Variants in SDHAF3 observed in about 807,000 individuals in gnomAD.
The protein encoded by SDHAF3 is succinate dehydrogenase assembly factor 3, mitochondrial.
A neutral mutation model predicts 11.5 loss-of-function variants in SDHAF3; 18 were observed. That is an observed-to-expected ratio of 1.56 (90% confidence interval 1.08 to 2.32). SDHAF3 has a LOEUF of 2.32. SDHAF3 is among the 30% of genes most tolerant of loss of function. The probability of loss-of-function intolerance (pLI) is 0.00; values close to 1 mark genes in which losing one functional copy is unlikely to be tolerated. For missense variants in SDHAF3, 200 were observed against 154.4 expected, an observed-to-expected ratio of 1.30 and a Z score of -1.57; for synonymous variants, 72 against 59.3, an observed-to-expected ratio of 1.21 and a Z score of -0.99.
In SDHAF3 at chr7:97,117,715, T is replaced by G. The variant is rs771893853; in HGVS notation, c.-9T>G. 3 of 1,609,352 alleles carry G rather than the reference T, an allele frequency of 1.9e-6. No individual in the cohort carries two copies. The highest frequency in any genetic ancestry group is 1.7e-6 in the Non-Finnish European group (2 of 1,177,580). ...GCGCAGGCGCAGTCGGCGGTCGGCG[T>G]GGGGCGCTATGCCGGGGCGGCACGT... On this transcript the variant is annotated 5_prime_UTR_variant, in exon 1 of 2. Coordinates refer to ENST00000432641, the MANE Select transcript of SDHAF3 (RefSeq NM_020186.3).
intron 1 of SDHAF3, among the ~76,000 whole-genome samples, chr7:97,129,139 A>C (rs1562820284): frequency 6.6e-6 from 1 of 152,126 alleles, no homozygotes; most frequent in Non-Finnish European, 1.5e-5. Flanking sequence ...AAATGTCTTG[A>C]GAATTTTGGT....
chr7:97,127,431 G>A (rs1352716113), intron 1 of SDHAF3, among the ~76,000 whole-genome samples: 1 of 152,152 alleles, frequency 6.6e-6, no homozygotes, highest in Non-Finnish European at 1.5e-5. Flanking sequence ...TTGTTCGAGA[G>A]GAGGAAATGC....
intron 1 of SDHAF3, among the ~76,000 whole-genome samples, chr7:97,137,951 C>A (rs1212228133): frequency 1.4e-5 from 2 of 145,742 alleles, no homozygotes; most frequent in African/African-American, 5.1e-5. Context: ...TGGCTCACCA[C>A]AACCTCCATC....
chr7:97,142,929 C>T (rs925325897), intron 1 of SDHAF3: 2 of 130,044 alleles, frequency 1.5e-5, no homozygotes, highest in Admixed American at 1.7e-4. Flanking sequence ...CAGAGTCTCA[C>T]TCTGTTGCCC....
chr7:97,172,921 G>T (rs1789625136), intron 1 of SDHAF3, among the ~76,000 whole-genome samples: 1 of 152,234 alleles, frequency 6.6e-6, no homozygotes, highest in Non-Finnish European at 1.5e-5. Context: ...TTGGGGATTG[G>T]TTTTGTGGAA....
intron 1 of SDHAF3, among the ~76,000 whole-genome samples, chr7:97,128,015 C>T (rs1791603228): frequency 6.6e-6 from 1 of 151,374 alleles, no homozygotes; most frequent in Admixed American, 6.6e-5. Context: ...GTTCTCCTGC[C>T]TCAGCCTCCC....
intron 1 of SDHAF3, among the ~76,000 whole-genome samples, chr7:97,144,743 G>T (rs1439569161): frequency 6.6e-6 from 1 of 152,134 alleles, no homozygotes; most frequent in Non-Finnish European, 1.5e-5. Context: ...ATAGTGTGAT[G>T]CCTGCAGATT....
At chr7:97,161,241 TG>T (rs1355355639) in intron 1 of SDHAF3, among the ~76,000 whole-genome samples, 2 of 152,144 alleles carry the variant, frequency 1.3e-5, no homozygotes, top group African/African-American at 4.8e-5. Context: ...GCTATGATCT[TG>T]GGTAGGTTAA....
At chr7:97,180,317 C>T (rs1170381510) in intron 1 of SDHAF3, among the ~76,000 whole-genome samples, 2 of 152,150 alleles carry the variant, frequency 1.3e-5, no homozygotes, top group Non-Finnish European at 2.9e-5. Flanking sequence ...AGGATGAAAG[C>T]ATGTCCTTTG....
intron 1 of SDHAF3, among the ~76,000 whole-genome samples, chr7:97,167,932 G>A (rs1789538127): frequency 6.6e-6 from 1 of 152,206 alleles, no homozygotes; most frequent in African/African-American, 2.4e-5. Context: ...TTTTTGTGCA[G>A]ATAAGGGAAT....
intron 1 of SDHAF3, among the ~76,000 whole-genome samples, chr7:97,155,894 T>C (rs967870165): frequency 2.7e-5 from 4 of 150,660 alleles, no homozygotes; most frequent in African/African-American, 9.8e-5. Context: ...ATTAATAAAG[T>C]AGATATCAAT....
At chr7:97,141,881 T>C (rs908567982) in intron 1 of SDHAF3, among the ~76,000 whole-genome samples, 1 of 152,094 alleles carries the variant, frequency 6.6e-6, no homozygotes, top group Non-Finnish European at 1.5e-5. Flanking sequence ...GTTCTACTTA[T>C]CTTTGTAAAA....
At chr7:97,173,759 A>C (rs1241415404) in intron 1 of SDHAF3, among the ~76,000 whole-genome samples, 1 of 151,832 alleles carries the variant, frequency 6.6e-6, no homozygotes, top group Non-Finnish European at 1.5e-5. Flanking sequence ...TCACTGTGTT[A>C]GCCAGGATGA....
At chr7:97,129,907 T>C (rs984725724) in intron 1 of SDHAF3, among the ~76,000 whole-genome samples, 1 of 152,014 alleles carries the variant, frequency 6.6e-6, no homozygotes, top group Non-Finnish European at 1.5e-5. Flanking sequence ...TGCTGGCTGC[T>C]GTGGTGGGTC....
At chr7:97,131,314 A>G (rs1460504070) in intron 1 of SDHAF3, among the ~76,000 whole-genome samples, 2 of 152,208 alleles carry the variant, frequency 1.3e-5, no homozygotes, top group African/African-American at 4.8e-5. Flanking sequence ...CTACACTTCT[A>G]GCACAATATC....
intron 1 of SDHAF3, among the ~76,000 whole-genome samples, chr7:97,138,250 C>T (rs567695654): frequency 1.3e-5 from 2 of 152,036 alleles, no homozygotes; most frequent in Admixed American, 6.6e-5. Context: ...ACGTCCGCCT[C>T]CCACGTATAA....
chr7:97,180,932 T>G (rs1473542701), intron 1 of SDHAF3, 80 bp from the exon 2 acceptor site: 2 of 1,255,060 alleles, frequency 1.6e-6, no homozygotes, highest in African/African-American at 3.0e-5. Flanking sequence ...AATAGGTGAC[T>G]CAGAATTAGA....
rs73708878 is a variant in SDHAF3 at position 97,170,567 on chromosome 7, T to A, written c.175-10445T>A. Among the ~76,000 whole-genome samples, 749 of 152,290 alleles carry A rather than the reference T, an allele frequency of 4.9e-3. 8 individuals are homozygous for A. The highest frequency in any genetic ancestry group is 0.017 in the African/African-American group (709 of 41,576). On this transcript the variant is annotated intron_variant, in intron 1 of 1. Coordinates refer to ENST00000432641, the MANE Select transcript of SDHAF3 (RefSeq NM_020186.3). ...GTGTCCAATATCATGGACATAGAGT[T>A]TATAGTAGACAAATATAAAGAATAT...
chr7:97,119,152 A>C (rs933669823), intron 1 of SDHAF3, among the ~76,000 whole-genome samples: 1 of 152,220 alleles, frequency 6.6e-6, no homozygotes, highest in Non-Finnish European at 1.5e-5. Flanking sequence ...ATGTATTTAC[A>C]AGCACTTGTG....
Sources: gnomAD v4.1 joint callset for allele counts (sites outside exome capture counted in the v4.1 genomes callset) on GRCh38, gnomAD v4.1.1 for gene constraint, MANE v1.5 for transcripts, NCBI Gene and HGNC (gene_info 2026-07-23, HGNC 2026-07-21) for gene names.